Variants in ANKRD55 observed in about 807,000 individuals in gnomAD.
ANKRD55 encodes ankyrin repeat domain-containing protein 55.
ANKRD55 carries 41 observed loss-of-function variants against 60.6 expected under a neutral mutation model. The ratio of observed to expected loss-of-function variants is 0.68; its 90% CI spans 0.53 to 0.88. The LOEUF is 0.88. ANKRD55 is among the 40% of genes least tolerant of loss of function. ANKRD55 has a pLI of 0.00. For missense variants in ANKRD55, 732 were observed against 767.6 expected, an observed-to-expected ratio of 0.95 and a Z score of 0.55; for synonymous variants, 264 against 290.3, an observed-to-expected ratio of 0.91 and a Z score of 0.92.
At chr5:56,203,671 T>C (rs576857483) in intron 2 of ANKRD55, among the ~76,000 whole-genome samples, 1 of 152,330 alleles carries the variant, frequency 6.6e-6, no homozygotes, top group East Asian at 1.9e-4. Flanking sequence ...GAACTCATCA[T>C]TTTTTATGGC....
chr5:56,195,005 A>G (rs1415601184), intron 2 of ANKRD55, among the ~76,000 whole-genome samples: 1 of 152,216 alleles, frequency 6.6e-6, no homozygotes, highest in Non-Finnish European at 1.5e-5. Context: ...TTACACTGGC[A>G]AGATTATTTT....
At chr5:56,214,876 C>T (rs1309426228) in intron 2 of ANKRD55, among the ~76,000 whole-genome samples, 1 of 152,154 alleles carries the variant, frequency 6.6e-6, no homozygotes, top group Admixed American at 6.5e-5. Context: ...GTGGCCAGAA[C>T]TCTAGGATGC....
At chr5:56,108,778 C>T (rs1446474521) in intron 10 of ANKRD55, among the ~76,000 whole-genome samples, 4 of 152,188 alleles carry the variant, frequency 2.6e-5, no homozygotes, top group Non-Finnish European at 5.9e-5. Context: ...GTGGCTCACG[C>T]CTGTAATCCC....
At chr5:56,166,086 T>TTCTCTTTCTTTCTTTCTTTC (rs1554040773) in intron 5 of ANKRD55, among the ~76,000 whole-genome samples, 2 of 91,772 alleles carry the variant, frequency 2.2e-5, no homozygotes, top group Non-Finnish European at 4.9e-5. Flanking sequence ...TTTCTTTTCT[T>TTCTCTTTCTTTCTTTCTTTC]TTTCTTTCTT....
intron 2 of ANKRD55, among the ~76,000 whole-genome samples, chr5:56,196,837 A>C (rs541108178): frequency 6.6e-6 from 1 of 152,296 alleles, no homozygotes; most frequent in East Asian, 1.9e-4. Flanking sequence ...GAGTATATGC[A>C]TTCTTACCAA....
At chr5:56,228,016 C>T (rs1011390401) in intron 2 of ANKRD55, among the ~76,000 whole-genome samples, 5 of 152,158 alleles carry the variant, frequency 3.3e-5, no homozygotes, top group African/African-American at 7.2e-5. Flanking sequence ...TACCAAAAAC[C>T]GAGTCACAGT....
intron 2 of ANKRD55, among the ~76,000 whole-genome samples, chr5:56,188,051 T>C (rs2111838667): frequency 6.6e-6 from 1 of 152,266 alleles, no homozygotes; most frequent in South Asian, 2.1e-4. Context: ...CTACTTCCTC[T>C]CCTCTTCTAG....
At position 56,226,204 on chromosome 5, in the gene ANKRD55, G is replaced by C. The variant is rs184155465; in HGVS notation, c.58+6652C>G. Among the ~76,000 whole-genome samples the C allele has an allele frequency of 9.3e-4, 142 of 152,180 alleles. 3 individuals carry two copies. In the Middle Eastern group the frequency reaches 0.027, roughly 29 times the overall value. The stretch of plus-strand genomic sequence containing the variant: ...ACATCTAAAACCATCTGATCTTTGA[G>C]AAATCTGACAAAAACAAGAAATGAG... On this transcript the variant is annotated intron_variant, in intron 2 of 11. Transcript: ENST00000341048.
chr5:56,127,881 T>C (rs1293296661), intron 7 of ANKRD55, among the ~76,000 whole-genome samples: 1 of 152,182 alleles, frequency 6.6e-6, no homozygotes. Context: ...TCTTCCTCCA[T>C]CCATCTTTCC....
At chr5:56,215,717 G>A (rs1012054091) in intron 2 of ANKRD55, among the ~76,000 whole-genome samples, 3 of 152,206 alleles carry the variant, frequency 2.0e-5, no homozygotes, top group Non-Finnish European at 4.4e-5. Flanking sequence ...CCTTGGGCAA[G>A]TTATGTAACC....
At chr5:56,185,490 A>G (rs1481792831) in intron 2 of ANKRD55, among the ~76,000 whole-genome samples, 1 of 151,900 alleles carries the variant, frequency 6.6e-6, no homozygotes, top group Non-Finnish European at 1.5e-5. Context: ...AACATGGAGA[A>G]ACTCCGTCTC....
Position 56,192,936 on chromosome 5 carries a change from G to C in ANKRD55, c.59-9302C>G, listed in dbSNP as rs578148307. 33 of 631,002 alleles carry C rather than the reference G, an allele frequency of 5.2e-5. No homozygotes were observed. In the African/African-American group the frequency reaches 5.4e-4, roughly 10 times the overall value. The allele number at this position is 631,002 out of a possible 1,614,324, so 39.1% of individuals were successfully genotyped here. On this transcript the variant is annotated intron_variant, in intron 2 of 11. Transcript: ENST00000341048. ...AGTTCAGAAGAAAATAAAGACTTCC[G>C]TGCTGTGGGATTGAAAACCAAAGCA...
chr5:56,111,603 A>AT lies in ANKRD55; in HGVS notation c.1144dup (p.Ile382AsnfsTer5), dbSNP rs749497431. 6.3e-7 allele frequency: 1 copy of AT among 1,594,908 alleles called. No homozygotes were observed. The highest frequency in any genetic ancestry group is 1.8e-5 in the Admixed American group (1 of 57,142). On this transcript the variant is annotated frameshift_variant, in exon 10 of 12. Transcript: ENST00000341048. LOFTEE classifies it high-confidence loss of function. ...ACCCACGATGCTATCAAAGGTGGTG[A>AT]TGATGTCATTGACTTCTGAGGTGTC...
At chr5:56,192,797 T>A in intron 2 of ANKRD55, 1 of 897,040 alleles carries the variant, frequency 1.1e-6, no homozygotes, top group Non-Finnish European at 1.7e-6. Context: ...TGAAAACCTC[T>A]ATTAGCAAGT....
Position 56,155,247 on chromosome 5 carries a change from G to A in ANKRD55, c.483+4586C>T, listed in dbSNP as rs570188035. Among the ~76,000 whole-genome samples the A allele has an allele frequency of 3.3e-5, 5 of 150,634 alleles. No homozygotes were observed. The East Asian group carries it at 5.9e-4, about 18-fold the overall frequency. On this transcript the variant is annotated intron_variant, in intron 6 of 11. Coordinates refer to ENST00000341048, the MANE Select transcript of ANKRD55 (RefSeq NM_024669.3). ...AAAAAAAAAAAAAAAGTTTTCCAAC[G>A]AGCCCAGCAGAGGAGGTTGGTTTTG...
At chr5:56,121,524 C>T (rs1034527595) in intron 8 of ANKRD55, among the ~76,000 whole-genome samples, 6 of 152,004 alleles carry the variant, frequency 3.9e-5, no homozygotes, top group African/African-American at 1.5e-4. Flanking sequence ...AGGCGCCCGC[C>T]ACCACACCCA....
At chr5:56,111,872 T>G (rs754636255) in intron 9 of ANKRD55, 90 bp from the exon 10 acceptor site, 4 of 1,248,340 alleles carry the variant, frequency 3.2e-6, no homozygotes, top group Non-Finnish European at 4.2e-6. Context: ...TTCCACATGC[T>G]TCATCAGGTT....
chr5:56,180,075 G>T (rs1299714930), intron 3 of ANKRD55, among the ~76,000 whole-genome samples: 3 of 152,282 alleles, frequency 2.0e-5, no homozygotes, highest in African/African-American at 7.2e-5. Flanking sequence ...CCTTTTTGGT[G>T]GTGGGAACTC....
chr5:56,127,726 A>G (rs1757312291), intron 7 of ANKRD55: 2 of 260,566 alleles, frequency 7.7e-6, no homozygotes, highest in South Asian at 1.4e-4. Context: ...GAATTTCCAG[A>G]TGGGGACTAC....
Sources: allele counts gnomAD v4.1 joint callset (sites outside exome capture counted in the v4.1 genomes callset), GRCh38; gene constraint gnomAD v4.1.1; transcripts MANE v1.5; gene names NCBI Gene and HGNC (gene_info 2026-07-23, HGNC 2026-07-21).